Variants in NTN4 observed in about 807,000 individuals in gnomAD.
NTN4 encodes netrin 4.
A neutral mutation model predicts 73.6 loss-of-function variants in NTN4; 32 were observed. That is an observed-to-expected ratio of 0.44 (90% CI 0.33 to 0.58). NTN4 has a LOEUF of 0.58. NTN4 is among the 20% of genes least tolerant of loss of function. NTN4 has a pLI of 0.04. For synonymous variants in NTN4, 258 were observed against 287.5 expected (o/e 0.90, Z 1.04); for missense variants, 654 against 798.3 (o/e 0.82, Z 2.18).
At chr12:95,664,250 G>A (rs1279624625) in intron 9 of NTN4, among the ~76,000 whole-genome samples, 1 of 151,880 alleles carries the variant, frequency 6.6e-6, no homozygotes, top group African/African-American at 2.4e-5. Context: ...TGGATACTGG[G>A]TCTCACTATG....
Position 95,695,088 on chromosome 12 carries a change from A to T in NTN4, c.1181-11377T>A, listed in dbSNP as rs551571151. ...GGTTGCAGTGAGCGGAGATCACGCCACTGCACGCTAACCTGGGCAACAGAG... is the reference window on the plus strand; with the variant it reads ...GGTTGCAGTGAGCGGAGATCACGCCTCTGCACGCTAACCTGGGCAACAGAG... On this transcript the variant is annotated intron_variant, in intron 5 of 9. Coordinates refer to ENST00000343702, the MANE Select transcript of NTN4 (RefSeq NM_021229.4). Among the ~76,000 whole-genome samples, 3 of 151,950 alleles carry T rather than the reference A, an allele frequency of 2.0e-5. No individual in the cohort carries two copies. The East Asian group carries it at 5.9e-4, about 30-fold the overall frequency.
In NTN4 at chr12:95,683,663, A is replaced by G; in HGVS notation, c.1229T>C (p.Val410Ala). The G allele has an allele frequency of 6.2e-7, 1 of 1,613,780 alleles. No individual in the cohort carries two copies. Among genetic ancestry groups the G allele is most frequent in the Non-Finnish European group, 8.5e-7 (1 of 1,179,828 alleles). ...ACCATTGCTGGGGTCGCAGAAGGTC[A>G]CTGAGTTGGCAGGAAGGACAGCTGA... The part of the protein sequence containing the change: ...VGSAVLPANS[V>A]TFCDPSNGDC... The change falls in exon 6 of 10, where the codon GTG (valine) becomes GCG (alanine). Residue 410 changes from valine (V) to alanine (A), a missense_variant. Transcript: ENST00000343702.
chr12:95,710,481 AC>A lies in NTN4; in HGVS notation c.1139del (p.Arg380LeufsTer21). 6.2e-7 allele frequency: 1 copy of A among 1,614,108 alleles called. No individual in the cohort carries two copies. The highest frequency in any genetic ancestry group is 8.5e-7 in the Non-Finnish European group (1 of 1,180,010). On this transcript the variant is annotated frameshift_variant, in exon 5 of 10. Coordinates refer to ENST00000343702, the MANE Select transcript of NTN4 (RefSeq NM_021229.4). LOFTEE classifies it high-confidence loss of function. ...GAGCTGAGAAGGGTCTCCGCAGGTC[AC>A]GATAGAAGCCTGGCTTGCACCTCTG... The part of the protein sequence containing the change: ...YCQRCKPGFY[R>X]DLRRPFSAPD...
At chr12:95,756,263 T>G (rs548184190) in intron 2 of NTN4, among the ~76,000 whole-genome samples, 1 of 152,348 alleles carries the variant, frequency 6.6e-6, no homozygotes, top group East Asian at 1.9e-4. Context: ...ATGGATAGGA[T>G]GAACTGTGCC....
chr12:95,752,502 CA>C (rs2078917050), intron 2 of NTN4, among the ~76,000 whole-genome samples: 1 of 151,740 alleles, frequency 6.6e-6, no homozygotes, highest in South Asian at 2.1e-4. Context: ...TCAAGCTCAG[CA>C]AGTTACCTAG....
chr12:95,664,619 CT>C (rs1308368287), intron 9 of NTN4, among the ~76,000 whole-genome samples: 1 of 128,892 alleles, frequency 7.8e-6, no homozygotes, highest in Non-Finnish European at 1.7e-5. Flanking sequence ...CCGCAAAAGA[CT>C]TTGTTTTTTT....
chr12:95,687,633 T>TCAC (rs2078372046), intron 5 of NTN4, among the ~76,000 whole-genome samples: 1 of 152,088 alleles, frequency 6.6e-6, no homozygotes, highest in Non-Finnish European at 1.5e-5. Context: ...ACTCCTGACG[T>TCAC]CAAGTGATCT....
At chr12:95,771,144 C>G (rs918247872) in intron 2 of NTN4, among the ~76,000 whole-genome samples, 2 of 151,970 alleles carry the variant, frequency 1.3e-5, no homozygotes, top group Admixed American at 6.5e-5. Context: ...CGCCTGCTAC[C>G]ACGCCCGGCT....
chr12:95,734,867 C>T (rs943992439), intron 3 of NTN4, among the ~76,000 whole-genome samples: 2 of 152,060 alleles, frequency 1.3e-5, no homozygotes, highest in Non-Finnish European at 2.9e-5. Flanking sequence ...TGGAGAAACC[C>T]CATCTCTACT....
chr12:95,771,961 C>T (rs1245110490), intron 2 of NTN4, among the ~76,000 whole-genome samples: 1 of 152,130 alleles, frequency 6.6e-6, no homozygotes, highest in African/African-American at 2.4e-5. Flanking sequence ...ACCATTCTGA[C>T]TATGGTAACC....
chr12:95,755,370 G>T (rs1220811393), intron 2 of NTN4, among the ~76,000 whole-genome samples: 2 of 152,196 alleles, frequency 1.3e-5, no homozygotes, highest in Non-Finnish European at 2.9e-5. Context: ...GGGTTGCAGC[G>T]AGTGGGAGTT....
intron 3 of NTN4, among the ~76,000 whole-genome samples, chr12:95,726,325 A>C (rs2078693813): frequency 6.6e-6 from 1 of 152,106 alleles, no homozygotes; most frequent in Non-Finnish European, 1.5e-5. Flanking sequence ...TTTTATCTTT[A>C]TGGATTTGTC....
At chr12:95,663,893 CT>C (rs1377898136) in intron 9 of NTN4, among the ~76,000 whole-genome samples, 1 of 151,478 alleles carries the variant, frequency 6.6e-6, no homozygotes, top group Admixed American at 6.6e-5. Context: ...ACTGGGCAGA[CT>C]TTTTTTTTCT....
intron 5 of NTN4, among the ~76,000 whole-genome samples, chr12:95,692,506 A>G (rs1419481858): frequency 6.6e-6 from 1 of 152,248 alleles, no homozygotes; most frequent in Non-Finnish European, 1.5e-5. Context: ...TTTTATCTAT[A>G]GTTATATGTT....
At chr12:95,739,306 G>C (rs2078805474) in intron 2 of NTN4, among the ~76,000 whole-genome samples, 1 of 152,058 alleles carries the variant, frequency 6.6e-6, no homozygotes, top group African/African-American at 2.4e-5. Flanking sequence ...AGAAATAACG[G>C]ATTAACCGGT....
In NTN4 at chr12:95,729,630, AGAGT is replaced by A. The variant is rs1217124952; in HGVS notation, c.864+8232_864+8235del. Among the ~76,000 whole-genome samples the A allele has an allele frequency of 5.6e-3, 513 of 91,704 alleles. 1 individual carries two copies. The highest frequency in any genetic ancestry group is 0.02 in the African/African-American group (480 of 23,694). 60.2% of individuals were successfully genotyped at this position (91,704 alleles called of 152,430 possible). On this transcript the variant is annotated intron_variant, in intron 3 of 9. Transcript: ENST00000343702. ...TTATTATAAAGAGAGAGAGAGAGAG[AGAGT>A]GTGTGTGTGTGTGTGTGTGTGTGTG...
intron 3 of NTN4, among the ~76,000 whole-genome samples, chr12:95,723,624 T>C (rs1306218624): frequency 2.6e-5 from 4 of 151,896 alleles, no homozygotes; most frequent in Non-Finnish European, 5.9e-5. Context: ...CAAGCGATTC[T>C]CCTGCCTCAG....
intron 5 of NTN4, among the ~76,000 whole-genome samples, chr12:95,689,841 A>G (rs188135813): frequency 1.3e-5 from 2 of 152,274 alleles, no homozygotes; most frequent in East Asian, 3.9e-4. Flanking sequence ...TTCTTCTTAT[A>G]GCTCTGATCA....
At chr12:95,688,191 CAAAGA>C (rs1259619858) in intron 5 of NTN4, among the ~76,000 whole-genome samples, 1 of 151,930 alleles carries the variant, frequency 6.6e-6, no homozygotes, top group African/African-American at 2.4e-5. Flanking sequence ...GCAGGATAAT[CAAAGA>C]AAAGAGAGAC....
Sources: allele counts gnomAD v4.1 joint callset (sites outside exome capture counted in the v4.1 genomes callset), GRCh38; gene constraint gnomAD v4.1.1; transcripts MANE v1.5; gene names NCBI Gene and HGNC (gene_info 2026-07-23, HGNC 2026-07-21).